ABCA6: variants seen among roughly 807,000 people sequenced by gnomAD.
The protein encoded by ABCA6 is ATP-binding cassette sub-family A member 6.
Under a neutral mutation model 191.2 loss-of-function variants are expected in ABCA6, and 164 were observed. The ratio of observed to expected loss-of-function variants is 0.86; its 90% confidence interval spans 0.76 to 0.98. The LOEUF (loss-of-function observed/expected upper bound fraction) is 0.98. Ranked by LOEUF, ABCA6 falls within the 50% of genes least tolerant of loss-of-function variation. ABCA6 has a pLI of 0.00. For missense variants in ABCA6, 1,958 were observed against 1,894.1 expected, an observed-to-expected ratio of 1.03 and a Z score of -0.63; for synonymous variants, 636 against 647.7, an observed-to-expected ratio of 0.98 and a Z score of 0.27.
intron 23 of ABCA6, 114 bp downstream of exon 23, chr17:69,097,805 TA>T: frequency 2.8e-6 from 2 of 702,244 alleles, no homozygotes; most frequent in Non-Finnish European, 4.4e-6. Context: ...CTACAATATC[TA>T]AATTAAACAT....
intron 22 of ABCA6, 133 bp downstream of exon 22, chr17:69,100,664 A>G (rs2073158693): frequency 7.1e-6 from 7 of 987,020 alleles, no homozygotes; most frequent in Non-Finnish European, 8.4e-6. Flanking sequence ...GCTATAACCC[A>G]TTGAAAATAT....
At chr17:69,082,804 C>T (rs1011549109) in intron 36 of ABCA6, 69 bp downstream of exon 36, 2 of 1,586,980 alleles carry the variant, frequency 1.3e-6, no homozygotes, top group African/African-American at 2.7e-5. Context: ...GAAGTTCTCA[C>T]ACAGCAAAAA....
chr17:69,110,841 A>T lies in ABCA6; in HGVS notation c.2232T>A (p.Leu744=). ...TCCTTTCCAGTGGCAAAGTATATAC[A>T]AGCTTTTCTTTGTTTTCTGTTTTTA... The part of the protein sequence containing the change: ...AKLKTENKEK[L]VYTLPLERTN... Residue 744 remains leucine (L), a synonymous_variant, in exon 17 of 39, where the codon CTT becomes CTA. Coordinates refer to ENST00000284425, the MANE Select transcript of ABCA6 (RefSeq NM_080284.3). 6.2e-7 allele frequency: 1 copy of T among 1,611,560 alleles called. No homozygotes were observed. Among genetic ancestry groups the T allele is most frequent in the Non-Finnish European group, 8.5e-7 (1 of 1,178,712 alleles).
intron 11 of ABCA6, among the ~76,000 whole-genome samples, chr17:69,116,254 G>C (rs368763100): frequency 6.6e-6 from 1 of 152,178 alleles, no homozygotes; most frequent in South Asian, 2.1e-4. Context: ...CCTCAGTTTC[G>C]TCATCTGCAA....
chr17:69,100,293 G>A (rs915571242), intron 22 of ABCA6, among the ~76,000 whole-genome samples: 1 of 152,146 alleles, frequency 6.6e-6, no homozygotes, highest in Non-Finnish European at 1.5e-5. Flanking sequence ...AGAATCCAAT[G>A]CAGCCTGTGT....
intron 9 of ABCA6, 61 bp from the exon 10 acceptor site, chr17:69,123,468 C>A: frequency 8.2e-7 from 1 of 1,213,368 alleles, no homozygotes; most frequent in Non-Finnish European, 1.1e-6. Flanking sequence ...GCAAAGAAGC[C>A]TTGCTAACAA....
Position 69,083,345 on chromosome 17 carries a change from A to AC in ABCA6, c.4356-15_4356-14insG. On this transcript the variant is annotated splice_polypyrimidine_tract_variant and intron_variant, in intron 34 of 38. Transcript: ENST00000284425. ...TGGATTGCCTGCCTGCAGTGAGCAA[A>AC]AAAATTAACAGTATTTAAAATAACT... 6.4e-7 allele frequency: 1 copy of AC among 1,559,444 alleles called. No individual in the cohort carries two copies. Among genetic ancestry groups the AC allele is most frequent in the Non-Finnish European group, 8.6e-7 (1 of 1,162,576 alleles).
At chr17:69,110,756 C>T (rs1201326366) in intron 17 of ABCA6, 45 bp downstream of exon 17, 17 of 1,541,424 alleles carry the variant, frequency 1.1e-5, no homozygotes, top group African/African-American at 2.8e-5. Context: ...ATAATGTGAA[C>T]ATTTTTTCCC....
At chr17:69,112,341 CGAGGAGCCA>C in intron 15 of ABCA6, 68 bp from the exon 16 acceptor site, 1 of 1,266,118 alleles carries the variant, frequency 7.9e-7, no homozygotes, top group Non-Finnish European at 1.1e-6. Flanking sequence ...TAAAGAAAGA[CGAGGAGCCA>C]AGGCTCAGAA....
intron 6 of ABCA6, among the ~76,000 whole-genome samples, chr17:69,130,758 ACT>A (rs1169698612): frequency 6.6e-6 from 1 of 152,092 alleles, no homozygotes; most frequent in Non-Finnish European, 1.5e-5. Flanking sequence ...CAATCAAGTA[ACT>A]CTATAAACAC....
intron 23 of ABCA6, among the ~76,000 whole-genome samples, chr17:69,097,496 T>C (rs2073076888): frequency 6.6e-6 from 1 of 152,118 alleles, no homozygotes; most frequent in Non-Finnish European, 1.5e-5. Context: ...TGAACGTTGA[T>C]AGATTTAACT....
chr17:69,082,621 T>C (rs2072666918), intron 36 of ABCA6, among the ~76,000 whole-genome samples: 1 of 152,180 alleles, frequency 6.6e-6, no homozygotes, highest in Non-Finnish European at 1.5e-5. Flanking sequence ...CTCCCAAGTC[T>C]TTCCAAGTAC....
chr17:69,104,591 T>A (rs556788122), intron 20 of ABCA6: 4 of 151,542 alleles, frequency 2.6e-5, no homozygotes, highest in South Asian at 4.2e-4. Flanking sequence ...TTTGTTTGTT[T>A]GTTTGTTTTA....
chr17:69,109,141 G>A (rs1463193530), intron 17 of ABCA6: 5 of 151,992 alleles, frequency 3.3e-5, no homozygotes, highest in Non-Finnish European at 7.3e-5. Flanking sequence ...TAATGAAACC[G>A]AATTATGCAA....
chr17:69,096,217 A>T, intron 25 of ABCA6, 23 bp downstream of exon 25: 1 of 1,161,074 alleles, frequency 8.6e-7, no homozygotes, highest in Non-Finnish European at 1.2e-6. Flanking sequence ...CTATTTCTCT[A>T]TTTGTATGTA....
chr17:69,086,061 T>C (rs2072780194), intron 30 of ABCA6, among the ~76,000 whole-genome samples: 2 of 152,158 alleles, frequency 1.3e-5, no homozygotes, highest in Admixed American at 1.3e-4. Flanking sequence ...GGATATTTTC[T>C]TCATCCCAAA....
intron 11 of ABCA6, among the ~76,000 whole-genome samples, 190 bp downstream of exon 11, chr17:69,117,708 G>T (rs528069424): frequency 1.3e-5 from 2 of 152,024 alleles, no homozygotes; most frequent in African/African-American, 4.8e-5. Flanking sequence ...TAAATTAATA[G>T]ATTCATGAAA....
At chr17:69,081,415 CTATTCCCTTTGAT>C (rs1405587069) in intron 36 of ABCA6, among the ~76,000 whole-genome samples, 1 of 152,108 alleles carries the variant, frequency 6.6e-6, no homozygotes, top group Non-Finnish European at 1.5e-5. Context: ...GTATTCTGAA[CTATTCCCTTTGAT>C]TAGTTCGAAT....
chr17:69,122,027 A>G (rs1053975701), intron 10 of ABCA6, among the ~76,000 whole-genome samples: 1 of 151,920 alleles, frequency 6.6e-6, no homozygotes, highest in African/African-American at 2.4e-5. Context: ...CACTTCCTAG[A>G]TATGGTTCTC....
Sources: gnomAD v4.1 joint callset for allele counts (sites outside exome capture counted in the v4.1 genomes callset) on GRCh38, gnomAD v4.1.1 for gene constraint, MANE v1.5 for transcripts, NCBI Gene and HGNC (gene_info 2026-07-23, HGNC 2026-07-21) for gene names.